Variants in NYAP2 observed in about 807,000 individuals in gnomAD.
NYAP2 encodes neuronal tyrosine-phosphorylated phosphoinositide-3-kinase adaptor 2, also known as neuronal tyrosine-phosphorylated phosphoinositide-3-kinase adapter 2.
In NYAP2, 23 loss-of-function variants were observed where a neutral mutation model predicts 50.4. The observed-to-expected ratio is 0.46, with a 90% CI of 0.33 to 0.65. The LOEUF is 0.65. NYAP2 is among the 30% of genes least tolerant of loss of function. The pLI is 0.02. For synonymous variants in NYAP2, 394 were observed against 365.2 expected (o/e 1.08, Z -0.90); for missense variants, 885 against 861.0 (o/e 1.03, Z -0.35).
chr2:225,517,657 C>A (rs143038095), intron 4 of NYAP2, among the ~76,000 whole-genome samples: 143 of 152,192 alleles, frequency 9.4e-4, no homozygotes, highest in African/African-American at 3.2e-3. Context: ...AAAGAAGGTG[C>A]CGTACAAATA....
At chr2:225,640,055 G>A (rs886889869) in intron 6 of NYAP2, among the ~76,000 whole-genome samples, 9 of 152,142 alleles carry the variant, frequency 5.9e-5, no homozygotes, top group African/African-American at 2.2e-4. Context: ...ATGACAGGAA[G>A]CCATTTATGG....
intron 6 of NYAP2, among the ~76,000 whole-genome samples, chr2:225,643,117 C>T (rs1243258412): frequency 1.3e-5 from 2 of 152,078 alleles, no homozygotes; most frequent in Non-Finnish European, 2.9e-5. Context: ...ATTTCATTTA[C>T]TAGCGTCAAA....
intron 5 of NYAP2, among the ~76,000 whole-genome samples, chr2:225,621,419 T>C (rs187114955): frequency 6.6e-6 from 1 of 152,282 alleles, no homozygotes; most frequent in African/African-American, 2.4e-5. Context: ...ACATACCTAA[T>C]GTAGTCAAAT....
At chr2:225,640,839 A>T (rs1289095279) in intron 6 of NYAP2, among the ~76,000 whole-genome samples, 1 of 152,252 alleles carries the variant, frequency 6.6e-6, no homozygotes, top group African/African-American at 2.4e-5. Flanking sequence ...TGCTAAACAC[A>T]TGCATACAGT....
chr2:225,458,226 C>T (rs1018901739), intron 3 of NYAP2, among the ~76,000 whole-genome samples: 4 of 152,048 alleles, frequency 2.6e-5, no homozygotes, highest in Admixed American at 6.5e-5. Flanking sequence ...GTGGCAAACA[C>T]GTGTAGTCCC....
chr2:225,687,878 TATC>T, the NYAP2 span, among the ~76,000 whole-genome samples: 18 of 152,172 alleles, frequency 1.2e-4, no homozygotes, highest in Non-Finnish European at 2.4e-4. Flanking sequence ...TATAACCTCT[TATC>T]ATTAACTAGA....
chr2:225,560,148 T>G (rs1691846726), intron 4 of NYAP2, among the ~76,000 whole-genome samples: 1 of 152,126 alleles, frequency 6.6e-6, no homozygotes, highest in Non-Finnish European at 1.5e-5. Context: ...AAGATACCTT[T>G]CTATACACTT....
At position 225,582,901 on chromosome 2, in the gene NYAP2, A is replaced by C; in HGVS notation, c.1484A>C (p.Tyr495Ser). The C allele has an allele frequency of 6.2e-7, 1 of 1,613,318 alleles. No individual in the cohort carries two copies. Among genetic ancestry groups the C allele is most frequent in the Non-Finnish European group, 8.5e-7 (1 of 1,179,850 alleles). ...ATGGTCAACGCCGCGGTGAACACCT[A>C]CGGGGCAGCCCCGGGTGGCTCCCGG... The change falls in exon 5 of 7, where the codon TAC becomes TCC. Residue 495 changes from tyrosine to serine, a missense_variant. By Grantham distance (144) the Tyr-to-Ser change is moderately radical (BLOSUM62 -2). Coordinates refer to ENST00000636099, the Ensembl canonical transcript of NYAP2. The surrounding 1 kb of genome is among the most constrained non-coding windows in gnomAD (Gnocchi z 7.0).
chr2:225,443,034 G>T (rs1689494959), intron 3 of NYAP2, among the ~76,000 whole-genome samples: 1 of 152,086 alleles, frequency 6.6e-6, no homozygotes, highest in African/African-American at 2.4e-5. Context: ...AGTCTCATGA[G>T]ACTTATTCAC....
chr2:225,477,030 A>G (rs948692639), intron 3 of NYAP2, among the ~76,000 whole-genome samples: 1 of 152,052 alleles, frequency 6.6e-6, no homozygotes, highest in African/African-American at 2.4e-5. Context: ...AAGGAAAGGG[A>G]ATATGAAAAA....
At chr2:225,458,941 A>C (rs1308741127) in intron 3 of NYAP2, among the ~76,000 whole-genome samples, 3 of 152,236 alleles carry the variant, frequency 2.0e-5, no homozygotes, top group Non-Finnish European at 4.4e-5. Flanking sequence ...TGTTTTGCTT[A>C]AACTTTTCAT....
At chr2:225,634,815 G>C (rs1693383547) in intron 6 of NYAP2, among the ~76,000 whole-genome samples, 1 of 152,110 alleles carries the variant, frequency 6.6e-6, no homozygotes, top group Non-Finnish European at 1.5e-5. Flanking sequence ...AGATTGAAGA[G>C]ATCACAAAGA....
intron 5 of NYAP2, among the ~76,000 whole-genome samples, chr2:225,601,729 G>A (rs1392153360): frequency 6.6e-6 from 1 of 151,908 alleles, no homozygotes; most frequent in African/African-American, 2.4e-5. Context: ...TATTCATTGG[G>A]TTACTTGATT....
chr2:225,604,468 T>G (rs1298124715), intron 5 of NYAP2, among the ~76,000 whole-genome samples: 1 of 152,018 alleles, frequency 6.6e-6, no homozygotes, highest in East Asian at 1.9e-4. Context: ...TCCAAAGAGG[T>G]TCAATTACTT....
At chr2:225,590,303 T>C (rs1027623147) in intron 5 of NYAP2, among the ~76,000 whole-genome samples, 7 of 152,288 alleles carry the variant, frequency 4.6e-5, no homozygotes, top group Admixed American at 1.3e-4. Context: ...ATAATGATGA[T>C]TCTCCCAGGA....
intron 4 of NYAP2, among the ~76,000 whole-genome samples, chr2:225,521,699 C>T (rs1261105133): frequency 6.6e-6 from 1 of 151,848 alleles, no homozygotes; most frequent in Non-Finnish European, 1.5e-5. Flanking sequence ...AGGATTTTTG[C>T]ATCAATGTTC....
intron 6 of NYAP2, among the ~76,000 whole-genome samples, chr2:225,630,965 T>C (rs1693303342): frequency 6.6e-6 from 1 of 152,186 alleles, no homozygotes; most frequent in East Asian, 1.9e-4. Flanking sequence ...AGATTATAGA[T>C]CTGTAGCTAA....
chr2:225,577,031 T>TAA (rs1559219290), intron 4 of NYAP2, among the ~76,000 whole-genome samples: 1 of 135,872 alleles, frequency 7.4e-6, no homozygotes, highest in African/African-American at 2.7e-5. Context: ...TTTTTTTTTT[T>TAA]AAATAAGGAA....
At chr2:225,544,651 G>T (rs1157082505) in intron 4 of NYAP2, among the ~76,000 whole-genome samples, 1 of 152,022 alleles carries the variant, frequency 6.6e-6, no homozygotes, top group Non-Finnish European at 1.5e-5. Context: ...GTCTTGAAAA[G>T]TTGTGGTTAT....
Sources: allele counts gnomAD v4.1 joint callset (sites outside exome capture counted in the v4.1 genomes callset), GRCh38; gene constraint gnomAD v4.1.1; non-coding constraint Gnocchi (gnomAD v3.1); transcripts MANE v1.5; gene names NCBI Gene and HGNC (gene_info 2026-07-23, HGNC 2026-07-21).